CTNND2: variants seen among roughly 807,000 people sequenced by gnomAD.
The protein encoded by CTNND2 is catenin delta 2, also known as catenin delta-2.
Under a neutral mutation model 144.4 loss-of-function variants are expected in CTNND2, and 22 were observed. That is an observed-to-expected ratio of 0.15 (90% CI 0.11 to 0.22). The LOEUF is 0.22. Among genes scored for constraint, CTNND2 ranks in the 10% least tolerant of loss-of-function variants. The pLI is 1.00. For synonymous variants in CTNND2, 751 were observed against 695.6 expected, an observed-to-expected ratio of 1.08 and a Z score of -1.25; for missense variants, 1,353 against 1,618.8, an observed-to-expected ratio of 0.84 and a Z score of 2.82.
At chr5:11,154,349 G>T (rs971884531) in intron 12 of CTNND2, among the ~76,000 whole-genome samples, 1 of 152,326 alleles carries the variant, frequency 6.6e-6, no homozygotes, top group African/African-American at 2.4e-5. Context: ...CAGTCAAGAG[G>T]TTGGATATGA....
chr5:11,174,177 G>A (rs1295755322), intron 11 of CTNND2, among the ~76,000 whole-genome samples: 2 of 152,168 alleles, frequency 1.3e-5, no homozygotes, highest in Admixed American at 6.5e-5. Flanking sequence ...TTTGGGATGT[G>A]TTAACGTTTG....
chr5:11,227,198 T>G (rs1402304723), intron 10 of CTNND2, among the ~76,000 whole-genome samples: 1 of 152,204 alleles, frequency 6.6e-6, no homozygotes, highest in Non-Finnish European at 1.5e-5. Context: ...CCTTATTTAT[T>G]TTGCAGCACA....
Position 11,352,896 on chromosome 5 carries a change from C to T in CTNND2, c.1373-6269G>A, listed in dbSNP as rs554916047. Among the ~76,000 whole-genome samples the T allele has an allele frequency of 3.3e-4, 50 of 151,904 alleles. No individual in the cohort carries two copies. In the South Asian group the frequency reaches 4.8e-3, roughly 15 times the overall value. ...TATAAAAATTAAAAATGTAAATAAG[C>T]GAATTAATAAAAAAGGAAAGAAAAA... On this transcript the variant is annotated intron_variant, in intron 8 of 21. Coordinates refer to ENST00000304623, the MANE Select transcript of CTNND2 (RefSeq NM_001332.4).
At chr5:11,775,298 T>C (rs1378940359) in intron 1 of CTNND2, among the ~76,000 whole-genome samples, 1 of 152,220 alleles carries the variant, frequency 6.6e-6, no homozygotes, top group Non-Finnish European at 1.5e-5. Context: ...AATTCTCTTC[T>C]GCCACATATT....
intron 2 of CTNND2, among the ~76,000 whole-genome samples, chr5:11,653,844 AT>A (rs1167912642): frequency 6.6e-6 from 1 of 150,836 alleles, no homozygotes; most frequent in Admixed American, 6.6e-5. Context: ...CTTTTTTGTT[AT>A]GTGTTCTTCC....
chr5:11,804,147 G>A (rs1315808119), intron 1 of CTNND2, among the ~76,000 whole-genome samples: 1 of 152,102 alleles, frequency 6.6e-6, no homozygotes, highest in Non-Finnish European at 1.5e-5. Context: ...AAACAATCAT[G>A]AGATACACTA....
intron 9 of CTNND2, among the ~76,000 whole-genome samples, chr5:11,313,069 C>G (rs1484381834): frequency 2.0e-5 from 3 of 152,190 alleles, no homozygotes; most frequent in Non-Finnish European, 4.4e-5. Flanking sequence ...GTTTTTCTCT[C>G]TAAACTCCTG....
At chr5:11,508,911 A>C (rs1026504291) in intron 3 of CTNND2, among the ~76,000 whole-genome samples, 2 of 142,842 alleles carry the variant, frequency 1.4e-5, no homozygotes, top group Non-Finnish European at 3.1e-5. Flanking sequence ...ACTCGTTTTC[A>C]AAAAAAAAAA....
At chr5:11,128,731 A>T (rs1213229498) in intron 12 of CTNND2, among the ~76,000 whole-genome samples, 24 of 55,218 alleles carry the variant, frequency 4.3e-4, no homozygotes, top group Non-Finnish European at 6.6e-4. Flanking sequence ...CATATATATA[A>T]TATATATATT....
At chr5:11,045,434 T>C (rs1306816258) in intron 16 of CTNND2, among the ~76,000 whole-genome samples, 2 of 152,182 alleles carry the variant, frequency 1.3e-5, no homozygotes, top group African/African-American at 4.8e-5. Flanking sequence ...AACAGAGTGA[T>C]ACTCACTCAT....
chr5:11,384,780 G>A lies in CTNND2; in HGVS notation c.1062C>T (p.Gly354=). 2 of 1,613,148 alleles carry A rather than the reference G, an allele frequency of 1.2e-6. No homozygotes were observed. The highest frequency in any genetic ancestry group is 8.5e-7 in the Non-Finnish European group (1 of 1,179,684). ...SPIHQLSSTI[G]TYATLSPTKR... ...TGGTGGGCGACAGGGTGGCGTACGTGCCGATGGTGGAGCTCAGCTGGTGGA... is the reference window on the plus strand; with the variant it reads ...TGGTGGGCGACAGGGTGGCGTACGTACCGATGGTGGAGCTCAGCTGGTGGA... The change falls in exon 7 of 22, where the codon GGC becomes GGT. Residue 354 remains glycine (G), a synonymous_variant. Transcript: ENST00000304623. The surrounding 1 kb of genome is among the most constrained non-coding windows in gnomAD (Gnocchi z 5.2).
At chr5:11,451,640 T>C (rs935267224) in intron 3 of CTNND2, among the ~76,000 whole-genome samples, 1 of 152,216 alleles carries the variant, frequency 6.6e-6, no homozygotes, top group Non-Finnish European at 1.5e-5. Flanking sequence ...GGATAAATGA[T>C]ACTCAACCTG....
chr5:11,181,764 G>GTGTGTGTGTGTC (rs1374630945), intron 11 of CTNND2, among the ~76,000 whole-genome samples: 1 of 149,148 alleles, frequency 6.7e-6, no homozygotes, highest in Non-Finnish European at 1.5e-5. Flanking sequence ...GTGTATGTGT[G>GTGTGTGTGTGTC]TGTGTGTGTG....
chr5:11,851,022 C>T (rs1457060068), intron 1 of CTNND2, among the ~76,000 whole-genome samples: 1 of 152,152 alleles, frequency 6.6e-6, no homozygotes, highest in East Asian at 1.9e-4. Flanking sequence ...AGCTAAAGAA[C>T]TTAAGAGAAA....
chr5:11,277,136 C>T (rs1411283027), intron 9 of CTNND2, among the ~76,000 whole-genome samples: 1 of 152,016 alleles, frequency 6.6e-6, no homozygotes, highest in Non-Finnish European at 1.5e-5. Context: ...AATCATTCCC[C>T]CTTGCCTTTT....
chr5:11,808,053 G>C (rs928829695), intron 1 of CTNND2, among the ~76,000 whole-genome samples: 3 of 152,088 alleles, frequency 2.0e-5, no homozygotes, highest in Non-Finnish European at 2.9e-5. Context: ...ATTTGAATGG[G>C]ATGGCATAAG....
intron 1 of CTNND2, among the ~76,000 whole-genome samples, chr5:11,844,044 C>T (rs1183369297): frequency 6.6e-6 from 1 of 152,166 alleles, no homozygotes; most frequent in Non-Finnish European, 1.5e-5. Context: ...CAAGCTCAAT[C>T]TGTTTATGAG....
At chr5:11,643,341 C>T (rs1405538990) in intron 2 of CTNND2, among the ~76,000 whole-genome samples, 1 of 149,472 alleles carries the variant, frequency 6.7e-6, no homozygotes, top group South Asian at 2.1e-4. Flanking sequence ...CCCATTAACT[C>T]GTCATTTAGC....
At chr5:11,001,703 CTG>C (rs1739982751) in intron 18 of CTNND2, among the ~76,000 whole-genome samples, 2 of 152,162 alleles carry the variant, frequency 1.3e-5, no homozygotes, top group Non-Finnish European at 2.9e-5. Flanking sequence ...GTTGGTAGAT[CTG>C]TCTTTTATGA....
Sources: gnomAD v4.1 joint callset for allele counts (sites outside exome capture counted in the v4.1 genomes callset) on GRCh38, gnomAD v4.1.1 for gene constraint, Gnocchi (gnomAD v3.1) non-coding constraint, MANE v1.5 for transcripts, NCBI Gene and HGNC (gene_info 2026-07-23, HGNC 2026-07-21) for gene names.